Variants in LRRC72 observed in about 807,000 individuals in gnomAD.
The protein encoded by LRRC72 is leucine-rich repeat-containing protein 72.
In LRRC72, 41 loss-of-function variants were observed where a neutral mutation model predicts 35.8. That is an observed-to-expected ratio of 1.15 (90% CI 0.89 to 1.49). The LOEUF (loss-of-function observed/expected upper bound fraction) is 1.49, where lower values mean the gene tolerates loss of function less well. Among genes scored for constraint, LRRC72 ranks in the 40% most tolerant of loss-of-function variants. The pLI is 0.00. For missense variants in LRRC72, 389 were observed against 330.7 expected (o/e 1.18, Z -1.37); for synonymous variants, 118 against 119.2 (o/e 0.99, Z 0.07).
Position 16,577,638 on chromosome 7 carries a change from A to T in LRRC72, c.671-2436A>T, listed in dbSNP as rs370081723. 9.9e-5 allele frequency among the ~76,000 whole-genome samples: 15 copies of T among 152,102 alleles called. No individual in the cohort carries two copies. In the East Asian group the frequency reaches 1.9e-3, roughly 20 times the overall value. On this transcript the variant is annotated intron_variant, in intron 7 of 8. Coordinates refer to ENST00000401542, the MANE Select transcript of LRRC72 (RefSeq NM_001195280.2). ...TATAGGAAGAAAATTAAAATGCAAA[A>T]TTGGAGGAAGTCTTTATAACATATA...
rs1223579203 is a variant in LRRC72 at position 16,567,437 on chromosome 7, TA to T, written c.569del (p.Lys190ArgfsTer8). ...RRSMITIFNH[K>X]KAHIVQSIAF... ...GATCAATGATTACCATTTTTAACCA[TA>T]AAAAGGCTCATATCGTTCAATCAAT... On this transcript the variant is annotated frameshift_variant, in exon 7 of 9. Coordinates refer to ENST00000401542, the MANE Select transcript of LRRC72 (RefSeq NM_001195280.2). LOFTEE classifies it high-confidence loss of function. The T allele has an allele frequency of 2.0e-6, 3 of 1,516,814 alleles. No individual in the cohort carries two copies. The highest frequency in any genetic ancestry group is 5.0e-5 in the East Asian group (2 of 40,322). 94.0% of individuals were successfully genotyped at this position (1,516,814 alleles called of 1,614,324 possible).
chr7:16,561,797 T>A (rs1272015812), intron 5 of LRRC72, among the ~76,000 whole-genome samples: 1 of 152,248 alleles, frequency 6.6e-6, no homozygotes, highest in Non-Finnish European at 1.5e-5. Flanking sequence ...ATTAGACAAC[T>A]AACGTTATTT....
intron 2 of LRRC72, among the ~76,000 whole-genome samples, chr7:16,533,024 C>T (rs1188621303): frequency 2.6e-5 from 4 of 152,066 alleles, no homozygotes; most frequent in African/African-American, 4.8e-5. Flanking sequence ...CAACGCTATT[C>T]CCTGGGCATA....
At chr7:16,535,955 C>G (rs1398711205) in intron 2 of LRRC72, among the ~76,000 whole-genome samples, 1 of 152,204 alleles carries the variant, frequency 6.6e-6, no homozygotes, top group Non-Finnish European at 1.5e-5. Context: ...TCACTGCAAC[C>G]TCTGTCTCCT....
chr7:16,562,215 T>G (rs181537229), intron 5 of LRRC72, among the ~76,000 whole-genome samples: 2 of 152,186 alleles, frequency 1.3e-5, no homozygotes, highest in African/African-American at 4.8e-5. Flanking sequence ...CAGTCTACCT[T>G]TCCACACCCT....
intron 6 of LRRC72, among the ~76,000 whole-genome samples, chr7:16,566,927 T>C (rs1012447984): frequency 6.6e-6 from 1 of 152,006 alleles, no homozygotes; most frequent in Admixed American, 6.6e-5. Context: ...CATATTACAC[T>C]TAACATTTTT....
intron 5 of LRRC72, among the ~76,000 whole-genome samples, chr7:16,564,034 A>C (rs1782786024): frequency 6.6e-6 from 1 of 152,218 alleles, no homozygotes; most frequent in Admixed American, 6.5e-5. Flanking sequence ...TAGCAGAAAA[A>C]CCCAAGAAAT....
intron 3 of LRRC72, among the ~76,000 whole-genome samples, chr7:16,545,868 C>A (rs147800219): frequency 0.011 from 1,674 of 151,706 alleles, 25 homozygotes; most frequent in African/African-American, 0.038. Flanking sequence ...ACCTATTTTT[C>A]GAAACAGCAG....
At chr7:16,535,542 A>G (rs1355461155) in intron 2 of LRRC72, among the ~76,000 whole-genome samples, 1 of 152,206 alleles carries the variant, frequency 6.6e-6, no homozygotes, top group Non-Finnish European at 1.5e-5. Flanking sequence ...AAAGCTATTG[A>G]GTAAAGAGTT....
At chr7:16,556,377 A>C (rs1231144792) in intron 3 of LRRC72, among the ~76,000 whole-genome samples, 1 of 152,194 alleles carries the variant, frequency 6.6e-6, no homozygotes, top group Non-Finnish European at 1.5e-5. Context: ...GTACAAGTCA[A>C]AGTAAGCATT....
chr7:16,553,983 T>C (rs1782601983), intron 3 of LRRC72, among the ~76,000 whole-genome samples: 1 of 152,218 alleles, frequency 6.6e-6, no homozygotes, highest in Non-Finnish European at 1.5e-5. Flanking sequence ...ATATAAATCC[T>C]ACAGCAATCC....
chr7:16,537,480 T>A, intron 2 of LRRC72, 147 bp from the exon 3 acceptor site: 3 of 448,236 alleles, frequency 6.7e-6, no homozygotes, highest in Non-Finnish European at 1.2e-5. Context: ...ATGGAATTTC[T>A]GAAATAAGCA....
chr7:16,535,357 C>T (rs1235425612), intron 2 of LRRC72, among the ~76,000 whole-genome samples: 2 of 152,008 alleles, frequency 1.3e-5, no homozygotes, highest in Non-Finnish European at 2.9e-5. Context: ...AAGTAAAAAA[C>T]TCTTGAAAAT....
At chr7:16,563,442 C>T (rs375940380) in intron 5 of LRRC72, among the ~76,000 whole-genome samples, 3 of 152,150 alleles carry the variant, frequency 2.0e-5, no homozygotes, top group African/African-American at 7.2e-5. Context: ...ACAGTGCTGG[C>T]GCCACTGAGG....
intron 3 of LRRC72, among the ~76,000 whole-genome samples, chr7:16,553,168 G>A (rs543646762): frequency 3.3e-5 from 5 of 152,190 alleles, no homozygotes; most frequent in Admixed American, 6.5e-5. Flanking sequence ...TTGATGCATC[G>A]AATATTTTCC....
chr7:16,547,328 C>A (rs903184153), intron 3 of LRRC72, among the ~76,000 whole-genome samples: 1 of 152,104 alleles, frequency 6.6e-6, no homozygotes, highest in African/African-American at 2.4e-5. Flanking sequence ...AGAGAGGAGT[C>A]CCAAGGCAGA....
At chr7:16,576,145 C>T (rs759152399) in intron 7 of LRRC72, among the ~76,000 whole-genome samples, 17 of 152,124 alleles carry the variant, frequency 1.1e-4, no homozygotes, top group Non-Finnish European at 2.1e-4. Flanking sequence ...CAAAAGGCCG[C>T]TATATCATAG....
chr7:16,563,640 C>A (rs953251617), intron 5 of LRRC72, among the ~76,000 whole-genome samples: 2 of 152,150 alleles, frequency 1.3e-5, no homozygotes, highest in African/African-American at 2.4e-5. Flanking sequence ...TTGATTTTAG[C>A]AGCATCAATC....
intron 1 of LRRC72, among the ~76,000 whole-genome samples, chr7:16,531,047 G>T (rs1327526409): frequency 6.6e-6 from 1 of 151,894 alleles, no homozygotes; most frequent in South Asian, 2.1e-4. Context: ...AAATTATTCA[G>T]GTGTGGCAGC....
Sources: allele counts gnomAD v4.1 joint callset (sites outside exome capture counted in the v4.1 genomes callset), GRCh38; gene constraint gnomAD v4.1.1; transcripts MANE v1.5; gene names NCBI Gene and HGNC (gene_info 2026-07-23, HGNC 2026-07-21).